The following LRP1B variants were observed in gnomAD, a reference collection of about 807,000 sequenced individuals.
LRP1B encodes the protein LDL receptor related protein 1B.
Under a neutral mutation model 556.6 loss-of-function variants are expected in LRP1B, and 217 were observed. The ratio of observed to expected loss-of-function variants is 0.39; its 90% CI spans 0.35 to 0.44. LRP1B has a LOEUF of 0.44. Ranked by LOEUF, LRP1B falls within the 20% of genes least tolerant of loss-of-function variation. LRP1B has a pLI of 1.00. For synonymous variants in LRP1B, 2,047 were observed against 1,865.8 expected (o/e 1.10, Z -2.50); for missense variants, 5,053 against 5,620.8 (o/e 0.90, Z 3.23).
At chr2:141,754,089 T>C (rs1694236212) in intron 2 of LRP1B, among the ~76,000 whole-genome samples, 1 of 152,340 alleles carries the variant, frequency 6.6e-6, no homozygotes, top group South Asian at 2.1e-4. Flanking sequence ...TCAGAGAATA[T>C]GTCCAGAATT....
chr2:140,493,467 C>A (rs1688788672), intron 56 of LRP1B, among the ~76,000 whole-genome samples: 1 of 151,996 alleles, frequency 6.6e-6, no homozygotes, highest in South Asian at 2.1e-4. Flanking sequence ...GAAAGATTTT[C>A]TTTTCTATTT....
chr2:140,936,805 TA>T (rs1695241026), intron 20 of LRP1B, among the ~76,000 whole-genome samples: 1 of 152,110 alleles, frequency 6.6e-6, no homozygotes, highest in Non-Finnish European at 1.5e-5. Flanking sequence ...AATGTGTTTT[TA>T]AAAAAATTAT....
At chr2:140,659,218 TGTTGAC>T (rs1175817696) in intron 41 of LRP1B, among the ~76,000 whole-genome samples, 1 of 148,602 alleles carries the variant, frequency 6.7e-6, no homozygotes, top group Admixed American at 6.8e-5. Flanking sequence ...AATAGGTTCA[TGTTGAC>T]TAAGAAGATC....
At chr2:141,262,151 T>C (rs1684714641) in intron 3 of LRP1B, among the ~76,000 whole-genome samples, 1 of 152,126 alleles carries the variant, frequency 6.6e-6, no homozygotes, top group Non-Finnish European at 1.5e-5. Context: ...TTATTATTGA[T>C]TTTTTCATTG....
Position 141,254,289 on chromosome 2 carries a change from C to T in LRP1B, c.463+233G>A, listed in dbSNP as rs186718131. The stretch of plus-strand genomic sequence containing the variant: ...TGTTAGTGGTTAACCCAAACATTTC[C>T]GATTGTTGACATTTCCCAAGTTTGA... On this transcript the variant is annotated intron_variant, in intron 4 of 90. Transcript: ENST00000389484. 2.0e-3 allele frequency among the ~76,000 whole-genome samples: 308 copies of T among 151,978 alleles called. 1 individual carries two copies. Among genetic ancestry groups the T allele is most frequent in the Non-Finnish European group, 3.3e-3 (221 of 67,922 alleles).
At position 140,268,833 on chromosome 2, in the gene LRP1B, G is replaced by A. The variant is rs1682325341; in HGVS notation, c.13247+1409C>T. ...TACTCTAAGATCTTTCATCTATAAAGAGGTCTTACTGATGAAGGTAGGGCA... is the reference window on the plus strand; with the variant it reads ...TACTCTAAGATCTTTCATCTATAAAAAGGTCTTACTGATGAAGGTAGGGCA... On this transcript the variant is annotated intron_variant, in intron 86 of 90. Transcript: ENST00000389484. Among the ~76,000 whole-genome samples the A allele has an allele frequency of 2.0e-5, 3 of 151,774 alleles. No homozygotes were observed. In the South Asian group the frequency reaches 6.3e-4, roughly 32 times the overall value.
chr2:140,778,687 A>C (rs575100950), intron 32 of LRP1B, among the ~76,000 whole-genome samples: 19 of 152,142 alleles, frequency 1.2e-4, no homozygotes, highest in Non-Finnish European at 2.4e-4. Context: ...TTTGCTATTC[A>C]CCTTTAAGAA....
At chr2:142,128,073 A>G (rs1164476159) in intron 1 of LRP1B, among the ~76,000 whole-genome samples, 1 of 152,146 alleles carries the variant, frequency 6.6e-6, no homozygotes, top group Non-Finnish European at 1.5e-5. Flanking sequence ...TTAGCTCTAT[A>G]TAGAATCAAT....
At chr2:141,130,381 C>T (rs1701319395) in intron 7 of LRP1B, among the ~76,000 whole-genome samples, 1 of 152,014 alleles carries the variant, frequency 6.6e-6, no homozygotes, top group South Asian at 2.1e-4. Context: ...ATATTTCATA[C>T]TATTTATTTA....
intron 4 of LRP1B, among the ~76,000 whole-genome samples, chr2:141,248,816 C>A (rs1384659629): frequency 6.6e-6 from 1 of 152,042 alleles, no homozygotes; most frequent in African/African-American, 2.4e-5. Context: ...GAGAAAGGAT[C>A]CTAGAAAATT....
intron 2 of LRP1B, among the ~76,000 whole-genome samples, chr2:141,797,702 A>AT (rs1232209674): frequency 4.6e-5 from 7 of 152,192 alleles, no homozygotes; most frequent in African/African-American, 1.7e-4. Context: ...TATGTTCTGA[A>AT]AAAATTTTGT....
chr2:141,844,583 C>T (rs938021684), intron 1 of LRP1B, among the ~76,000 whole-genome samples: 8 of 152,110 alleles, frequency 5.3e-5, no homozygotes, highest in Admixed American at 2.6e-4. Context: ...AACGAGCAAA[C>T]TTGTTTATGT....
At chr2:140,573,801 T>C (rs1308574586) in intron 43 of LRP1B, among the ~76,000 whole-genome samples, 1 of 152,200 alleles carries the variant, frequency 6.6e-6, no homozygotes, top group South Asian at 2.1e-4. Context: ...AGTTCACTAG[T>C]TCCACTCCTG....
chr2:141,776,037 G>A (rs1286801764), intron 2 of LRP1B, among the ~76,000 whole-genome samples: 6 of 151,668 alleles, frequency 4.0e-5, no homozygotes, highest in South Asian at 2.1e-4. Context: ...TAGTAGAGAC[G>A]GGGTTTCACC....
rs144270108 is a variant in LRP1B, at chr2:140,361,602, T to C, written c.11132-2656A>G. Among the ~76,000 whole-genome samples, 767 of 151,114 alleles carry C rather than the reference T, an allele frequency of 5.1e-3. 8 individuals are homozygous for C. The highest frequency in any genetic ancestry group is 0.017 in the African/African-American group (715 of 41,298). ...CATCTTTGCTGAAACATGTTATTAC[T>C]TTGGTGTCTCTGGTGCCTCACTCTT... On this transcript the variant is annotated intron_variant, in intron 72 of 90. Coordinates refer to ENST00000389484, the MANE Select transcript of LRP1B (RefSeq NM_018557.3).
chr2:141,670,344 T>C (rs1180403195), intron 2 of LRP1B, among the ~76,000 whole-genome samples: 2 of 152,216 alleles, frequency 1.3e-5, no homozygotes, highest in Non-Finnish European at 2.9e-5. Flanking sequence ...GATGCTTTAA[T>C]ATCACATATT....
chr2:141,995,094 TA>T (rs1352335077), intron 1 of LRP1B, among the ~76,000 whole-genome samples: 1 of 152,114 alleles, frequency 6.6e-6, no homozygotes, highest in African/African-American at 2.4e-5. Context: ...ATTTATATAA[TA>T]ATAATAGCAT....
chr2:142,093,635 A>G (rs1321874183), intron 1 of LRP1B, among the ~76,000 whole-genome samples: 1 of 152,096 alleles, frequency 6.6e-6, no homozygotes, highest in Non-Finnish European at 1.5e-5. Flanking sequence ...AGTAAACCGG[A>G]TTTCCAAGAA....
intron 60 of LRP1B, among the ~76,000 whole-genome samples, chr2:140,458,225 G>C (rs1687182316): frequency 6.6e-6 from 1 of 152,040 alleles, no homozygotes; most frequent in African/African-American, 2.4e-5. Context: ...AAGGTGAGAT[G>C]GGATGGGGTA....
Sources: gnomAD v4.1 joint callset for allele counts (sites outside exome capture counted in the v4.1 genomes callset) on GRCh38, gnomAD v4.1.1 for gene constraint, MANE v1.5 for transcripts, NCBI Gene and HGNC (gene_info 2026-07-23, HGNC 2026-07-21) for gene names.